Variants in KLHL42 observed in about 807,000 individuals in gnomAD.
KLHL42 encodes the protein kelch like family member 42.
Under a neutral mutation model 32.7 loss-of-function variants are expected in KLHL42, and 27 were observed. The observed-to-expected ratio is 0.83, with a 90% confidence interval of 0.61 to 1.14. The LOEUF is 1.14. Among genes scored for constraint, KLHL42 ranks in the 50% most tolerant of loss-of-function variants. KLHL42 has a pLI of 0.00. For missense variants in KLHL42, 491 were observed against 560.8 expected (o/e 0.88, Z 1.26); for synonymous variants, 267 against 248.2 (o/e 1.08, Z -0.71).
Position 27,791,793 on chromosome 12 carries a change from G to A in KLHL42, c.958G>A (p.Glu320Lys), listed in dbSNP as rs2062198226. The change falls in exon 2 of 3, where the codon GAG becomes AAG. Residue 320 changes from glutamate (E) to lysine (K), a missense_variant. By Grantham distance (56) the Glu-to-Lys change is moderately conservative (BLOSUM62 1). This residue lies in a region of KLHL42 where 248 missense variants were observed against 329.2 expected (regional missense o/e 0.75). Coordinates refer to ENST00000381271, the MANE Select transcript of KLHL42 (RefSeq NM_020782.2). ...TTCTAACGTTGAGTGTTACAACCCC[G>A]AGCAGGATGCGTGGAATTTTGTGGC... ...AVSNVECYNP[E>K]QDAWNFVAPL... 1.9e-6 allele frequency: 3 copies of A among 1,614,154 alleles called. No individual in the cohort carries two copies. The highest frequency in any genetic ancestry group is 2.2e-5 in the East Asian group (1 of 44,880).
chr12:27,782,254 G>T (rs183594498), intron 1 of KLHL42, among the ~76,000 whole-genome samples: 1 of 152,206 alleles, frequency 6.6e-6, no homozygotes, highest in Admixed American at 6.5e-5. Flanking sequence ...GGTCCTCCTC[G>T]GCCAGGGATT....
chr12:27,799,850 C>T lies in KLHL42; in HGVS notation c.*1684C>T. ...GTATCTTGTCACCAAATAATCTTAC[C>T]TCTAGTCTACTTACAACTTTGTAAG... On this transcript the variant is annotated 3_prime_UTR_variant, in exon 3 of 3. Transcript: ENST00000381271. 6.2e-6 allele frequency: 2 copies of T among 321,004 alleles called. No individual in the cohort carries two copies. Among genetic ancestry groups the T allele is most frequent in the Non-Finnish European group, 9.0e-6 (2 of 222,316 alleles). The allele number at this position is 321,004 out of a possible 1,614,324, so 19.9% of individuals were successfully genotyped here.
rs376596271 is a variant in KLHL42 at position 27,786,221 on chromosome 12, C to T, written c.872+5019C>T. ...GCAGGGACCATCTTCATGCACATTT[C>T]CCCCCTTCTTTAAAAAAAATTATTT... On this transcript the variant is annotated intron_variant, in intron 1 of 2. Coordinates refer to ENST00000381271, the MANE Select transcript of KLHL42 (RefSeq NM_020782.2). Among the ~76,000 whole-genome samples the T allele has an allele frequency of 2.1e-4, 32 of 152,156 alleles. 1 individual carries two copies. In the East Asian group the frequency reaches 3.9e-3, roughly 18 times the overall value.
In KLHL42 at chr12:27,781,187, C is replaced by A; in HGVS notation, c.857C>A (p.Ser286Tyr). ...ACCAACGAGTGGCTCCAGGTGGCCT[C>A]CATGAACCAGAAGAGGTAAGCACCC... ...PSTNEWLQVA[S>Y]MNQKRSNFKL... Residue 286 changes from serine (S) to tyrosine (Y), a missense_variant, in exon 1 of 3, where the codon TCC becomes TAC. Coordinates refer to ENST00000381271, the MANE Select transcript of KLHL42 (RefSeq NM_020782.2). 1 of 1,613,734 alleles carries A rather than the reference C, an allele frequency of 6.2e-7. No individual in the cohort carries two copies. Among genetic ancestry groups the A allele is most frequent in the Non-Finnish European group, 8.5e-7 (1 of 1,180,014 alleles).
chr12:27,791,412 A>G (rs187742630), intron 1 of KLHL42, among the ~76,000 whole-genome samples: 1 of 152,328 alleles, frequency 6.6e-6, no homozygotes, highest in Admixed American at 6.5e-5. Flanking sequence ...AGTTTAGTGT[A>G]TACACATTGT....
At chr12:27,783,977 A>C (rs115327486) in intron 1 of KLHL42, among the ~76,000 whole-genome samples, 2,014 of 152,264 alleles carry the variant, frequency 0.013, 53 homozygotes, top group African/African-American at 0.044. Context: ...CATTTAGGTC[A>C]CTTCCATTTG....
intron 1 of KLHL42, among the ~76,000 whole-genome samples, chr12:27,785,021 G>A (rs1405280664): frequency 1.3e-5 from 2 of 151,972 alleles, no homozygotes; most frequent in African/African-American, 2.4e-5. Context: ...TTTCTGCAGT[G>A]TTCAAAAATA....
At chr12:27,789,594 A>G (rs1170379226) in intron 1 of KLHL42, among the ~76,000 whole-genome samples, 2 of 152,200 alleles carry the variant, frequency 1.3e-5, no homozygotes, top group African/African-American at 2.4e-5. Context: ...TGATCTTACA[A>G]AATTTACTAT....
Position 27,800,317 on chromosome 12 carries a change from A to G in KLHL42, c.*2151A>G, listed in dbSNP as rs2062238810. 3.1e-6 allele frequency: 3 copies of G among 983,400 alleles called. No individual in the cohort carries two copies. The highest frequency in any genetic ancestry group is 6.3e-5 in the Admixed American group (1 of 15,980). The allele number at this position is 983,400 out of a possible 1,614,324, so 60.9% of individuals were successfully genotyped here. A position where few individuals can be genotyped will look rare whatever the true frequency, so the allele number is the denominator to read the frequency against. On this transcript the variant is annotated 3_prime_UTR_variant, in exon 3 of 3. Transcript: ENST00000381271. ...GTACTCTGATCCACAAAGCTCTTTT[A>G]TAAACCAGGTTTGAGGTTGTGTGTG...
Position 27,801,468 on chromosome 12 carries a change from T to G in KLHL42, c.*3302T>G, listed in dbSNP as rs2062247141. ...TTGGTCTTCCTGATCAACCAGCATT[T>G]AACGAACAGTGGCTTAATGCAGATC... On this transcript the variant is annotated 3_prime_UTR_variant, in exon 3 of 3. Coordinates refer to ENST00000381271, the MANE Select transcript of KLHL42 (RefSeq NM_020782.2). 1 of 152,198 alleles carries G rather than the reference T, an allele frequency of 6.6e-6. No homozygotes were observed. Among genetic ancestry groups the G allele is most frequent in the Non-Finnish European group, 1.5e-5 (1 of 68,048 alleles). 9.4% of individuals were successfully genotyped at this position (152,198 alleles called of 1,614,324 possible). A position where few individuals can be genotyped will look rare whatever the true frequency, so the allele number is the denominator to read the frequency against.
At chr12:27,783,222 G>A (rs76708057) in intron 1 of KLHL42, among the ~76,000 whole-genome samples, 3,353 of 152,222 alleles carry the variant, frequency 0.022, 112 homozygotes, top group African/African-American at 0.075. Flanking sequence ...TTAAGCGGAA[G>A]TGGATCATCC....
chr12:27,792,679 T>A (rs548730853), intron 2 of KLHL42, among the ~76,000 whole-genome samples: 2 of 151,872 alleles, frequency 1.3e-5, no homozygotes, highest in Non-Finnish European at 2.9e-5. Flanking sequence ...TGCACCACCA[T>A]GCCCCGCTAA....
chr12:27,793,734 A>C (rs1032370324), intron 2 of KLHL42, among the ~76,000 whole-genome samples: 2 of 152,184 alleles, frequency 1.3e-5, no homozygotes, highest in Admixed American at 6.5e-5. Flanking sequence ...CCCAGGACTT[A>C]CAGAAAAGGT....
intron 1 of KLHL42, among the ~76,000 whole-genome samples, 184 bp from the exon 2 acceptor site, chr12:27,791,524 T>G (rs758100631): frequency 3.3e-5 from 5 of 152,212 alleles, no homozygotes; most frequent in Non-Finnish European, 4.4e-5. Context: ...TCCCGTGGAA[T>G]CTTGGGGACA....
intron 1 of KLHL42, chr12:27,787,762 T>C (rs1017410584): frequency 6.6e-6 from 1 of 152,216 alleles, no homozygotes; most frequent in Non-Finnish European, 1.5e-5. Flanking sequence ...GAATTGCAGT[T>C]GTCAGCCTTA....
In KLHL42 at chr12:27,798,204, G is replaced by A. The variant is rs1211114462; in HGVS notation, c.*38G>A. ...GGTAGATGAAAAAAACCTGGTTCAA[G>A]TTTTTTTTAAAATGTGGTGTCCCAT... On this transcript the variant is annotated 3_prime_UTR_variant, in exon 3 of 3. Transcript: ENST00000381271. 2 of 739,756 alleles carry A rather than the reference G, an allele frequency of 2.7e-6. No homozygotes were observed. The highest frequency in any genetic ancestry group is 5.0e-6 in the Non-Finnish European group (2 of 403,566). The allele number at this position is 739,756 out of a possible 1,614,324, so 45.8% of individuals were successfully genotyped here.
At position 27,783,683 on chromosome 12, in the gene KLHL42, G is replaced by T. The variant is rs891487421; in HGVS notation, c.872+2481G>T. 5.9e-5 allele frequency among the ~76,000 whole-genome samples: 9 copies of T among 152,170 alleles called. No individual in the cohort carries two copies. The East Asian group carries it at 1.7e-3, about 29-fold the overall frequency. On this transcript the variant is annotated intron_variant, in intron 1 of 2. Transcript: ENST00000381271. ...TGCAAGCTCCGCCTCCCGGGTTCAC[G>T]CCATTCTCCTGCCTCAGCCTCCCGA...
chr12:27,802,689 TAG>T lies in KLHL42; in HGVS notation c.*4524_*4525del, dbSNP rs1436137833. 7.9e-5 allele frequency: 12 copies of T among 152,600 alleles called. No homozygotes were observed. Among genetic ancestry groups the T allele is most frequent in the Non-Finnish European group, 1.0e-4 (7 of 68,036 alleles). The allele number at this position is 152,600 out of a possible 1,614,324, so 9.5% of individuals were successfully genotyped here. The stretch of plus-strand genomic sequence containing the variant: ...TGGTGCTTTCTCAAATGGATTGCCA[TAG>T]TTCATTACTAGTAAAGAAAAGGAAA... On this transcript the variant is annotated 3_prime_UTR_variant, in exon 3 of 3. Coordinates refer to ENST00000381271, the MANE Select transcript of KLHL42 (RefSeq NM_020782.2).
At chr12:27,784,297 C>A (rs1402614165) in intron 1 of KLHL42, among the ~76,000 whole-genome samples, 2 of 139,994 alleles carry the variant, frequency 1.4e-5, no homozygotes, top group African/African-American at 5.6e-5. Flanking sequence ...CCACGCCTGG[C>A]TAATTTTTTT....
Sources: gnomAD v4.1 joint callset for allele counts (sites outside exome capture counted in the v4.1 genomes callset) on GRCh38, gnomAD v4.1.1 for gene constraint, gnomAD v4.1.1 regional missense constraint, MANE v1.5 for transcripts, NCBI Gene and HGNC (gene_info 2026-07-23, HGNC 2026-07-21) for gene names.